Variants in SDK1 observed in about 807,000 individuals in gnomAD.
SDK1 encodes sidekick cell adhesion molecule 1.
SDK1 carries 157 observed loss-of-function variants against 245.5 expected under a neutral mutation model. The ratio of observed to expected loss-of-function variants is 0.64; its 90% CI spans 0.56 to 0.73. The LOEUF is 0.73. SDK1 is among the 30% of genes least tolerant of loss of function. SDK1 has a pLI of 0.00. For missense variants in SDK1, 3,583 were observed against 3,002.3 expected, an observed-to-expected ratio of 1.19 and a Z score of -4.52; for synonymous variants, 1,647 against 1,278.5, an observed-to-expected ratio of 1.29 and a Z score of -6.15.
rs560124026 is a variant in SDK1, at chr7:3,357,328, G to GTTTTTTTT, written c.298+55476_298+55483dup. 2.3e-3 allele frequency among the ~76,000 whole-genome samples: 123 copies of GTTTTTTTT among 52,944 alleles called. 32 individuals carry two copies. Among genetic ancestry groups the GTTTTTTTT allele is most frequent in the East Asian group, 0.012 (16 of 1,296 alleles). The allele number at this position is 52,944 out of a possible 152,430, so 34.7% of individuals were successfully genotyped here. A position where few individuals can be genotyped will look rare whatever the true frequency, so the allele number is the denominator to read the frequency against. Reference sequence around the variant, plus strand: ...TTACTCTTGCTCCCCTTCTTTTAGTGTTTTTTTTTTTTTTTTTTTTTTTTT... The same window carrying GTTTTTTTT: ...TTACTCTTGCTCCCCTTCTTTTAGTGTTTTTTTTTTTTTTTTTTTTTTTTTTTTTTTTT... On this transcript the variant is annotated intron_variant, in intron 1 of 44. Transcript: ENST00000404826.
At chr7:3,403,880 T>TATATATA (rs1342131648) in intron 1 of SDK1, among the ~76,000 whole-genome samples, 1 of 119,804 alleles carries the variant, frequency 8.3e-6, no homozygotes, top group African/African-American at 3.1e-5. Context: ...ATATATATAT[T>TATATATA]TATTTATATT....
In SDK1 at chr7:3,877,536, C is replaced by G. The variant is rs148406454; in HGVS notation, c.847+55953C>G. ...TGAACTGTATCTAGTGGAGGCATGTCTTTATCTTCTAGAGAAAAATCTTTA... is the reference window on the plus strand; with the variant it reads ...TGAACTGTATCTAGTGGAGGCATGTGTTTATCTTCTAGAGAAAAATCTTTA... On this transcript the variant is annotated intron_variant, in intron 5 of 44. Transcript: ENST00000404826. 7.2e-3 allele frequency among the ~76,000 whole-genome samples: 1,092 copies of G among 152,222 alleles called. 4 individuals carry two copies. Among genetic ancestry groups the G allele is most frequent in the Middle Eastern group, 0.017 (5 of 294 alleles).
Position 3,367,695 on chromosome 7 carries a change from C to T in SDK1, c.298+65811C>T, listed in dbSNP as rs80352378. Among the ~76,000 whole-genome samples, 501 of 152,314 alleles carry T rather than the reference C, an allele frequency of 3.3e-3. 3 individuals are homozygous for T. Among genetic ancestry groups the T allele is most frequent in the African/African-American group, 0.011 (472 of 41,554 alleles). ...GACCATTTATAACTTAACTCTTCGA[C>T]CTATTTAACTGTCTGCTTCCTTGCT... is the stretch of plus-strand genomic sequence containing the variant. On this transcript the variant is annotated intron_variant, in intron 1 of 44. Coordinates refer to ENST00000404826, the MANE Select transcript of SDK1 (RefSeq NM_152744.4).
chr7:4,223,012 C>G lies in SDK1; in HGVS notation c.5827+1648C>G, dbSNP rs1785227559. On this transcript the variant is annotated intron_variant, in intron 40 of 44. Coordinates refer to ENST00000404826, the MANE Select transcript of SDK1 (RefSeq NM_152744.4). Reference sequence around the variant, plus strand: ...GAAACCACTTCAGACACTTTCCTCCCCATATCCAGGGAGAGCACCGATTTC... The same window carrying G: ...GAAACCACTTCAGACACTTTCCTCCGCATATCCAGGGAGAGCACCGATTTC... 2.0e-5 allele frequency among the ~76,000 whole-genome samples: 3 copies of G among 152,018 alleles called. No individual in the cohort carries two copies. The South Asian group carries it at 6.2e-4, about 32-fold the overall frequency.
intron 35 of SDK1, among the ~76,000 whole-genome samples, chr7:4,186,390 C>T (rs1782897078): frequency 6.6e-6 from 1 of 152,190 alleles, no homozygotes; most frequent in African/African-American, 2.4e-5. Context: ...CCTTTGTTAT[C>T]CCCAGGGTCG....
intron 28 of SDK1, among the ~76,000 whole-genome samples, chr7:4,134,275 C>T (rs1226000905): frequency 2.0e-5 from 3 of 152,178 alleles, no homozygotes; most frequent in Non-Finnish European, 4.4e-5. Flanking sequence ...ATCAGGTGAC[C>T]TTTGGAATTG....
intron 19 of SDK1, among the ~76,000 whole-genome samples, chr7:4,065,168 A>G (rs1779791937): frequency 6.6e-6 from 1 of 152,238 alleles, no homozygotes; most frequent in Non-Finnish European, 1.5e-5. Flanking sequence ...CGTCACCTGT[A>G]CCATAGAAAT....
intron 2 of SDK1, among the ~76,000 whole-genome samples, chr7:3,630,781 C>G (rs1782266210): frequency 6.6e-6 from 1 of 151,810 alleles, no homozygotes; most frequent in Non-Finnish European, 1.5e-5. Flanking sequence ...GGCAGATACA[C>G]TGTGTTTATA....
chr7:3,531,544 G>C (rs1004709750), intron 1 of SDK1, among the ~76,000 whole-genome samples: 3 of 152,170 alleles, frequency 2.0e-5, no homozygotes, highest in Non-Finnish European at 2.9e-5. Context: ...TTAGAACATA[G>C]TGTGTAAGTA....
intron 14 of SDK1, among the ~76,000 whole-genome samples, chr7:4,010,642 A>G (rs1020554778): frequency 4.6e-5 from 7 of 152,200 alleles, no homozygotes; most frequent in Non-Finnish European, 1.0e-4. Context: ...ATGTGAGCCG[A>G]CGGAGAACTT....
At chr7:4,127,898 T>C (rs1267802450) in intron 26 of SDK1, among the ~76,000 whole-genome samples, 1 of 152,158 alleles carries the variant, frequency 6.6e-6, no homozygotes, top group Non-Finnish European at 1.5e-5. Context: ...CAGGGGGTCT[T>C]TTACACAGCA....
chr7:3,710,062 C>T (rs1279150358), intron 4 of SDK1, among the ~76,000 whole-genome samples: 3 of 152,252 alleles, frequency 2.0e-5, no homozygotes, highest in East Asian at 3.8e-4. Flanking sequence ...TATTAAAACT[C>T]TGTAAACATT....
At chr7:3,692,830 T>C (rs1018161494) in intron 4 of SDK1, among the ~76,000 whole-genome samples, 4 of 152,138 alleles carry the variant, frequency 2.6e-5, no homozygotes, top group African/African-American at 9.6e-5. Context: ...GGTATTTGTG[T>C]CGAGTTTACG....
intron 1 of SDK1, among the ~76,000 whole-genome samples, chr7:3,550,951 TAAAAG>T (rs1396031986): frequency 6.6e-6 from 1 of 152,238 alleles, no homozygotes; most frequent in Non-Finnish European, 1.5e-5. Context: ...TCTTGATTGT[TAAAAG>T]AAATAAAGGT....
At chr7:3,552,980 T>C (rs1779463992) in intron 1 of SDK1, among the ~76,000 whole-genome samples, 1 of 152,200 alleles carries the variant, frequency 6.6e-6, no homozygotes, top group Non-Finnish European at 1.5e-5. Context: ...TTACATTTTT[T>C]ATCATAAAAC....
At chr7:4,151,815 C>T (rs896642532) in intron 30 of SDK1, among the ~76,000 whole-genome samples, 7 of 152,302 alleles carry the variant, frequency 4.6e-5, no homozygotes, top group South Asian at 2.1e-4. Context: ...TCTTAAGTAA[C>T]GCATATGCAG....
chr7:3,624,361 G>A (rs548540418), intron 2 of SDK1, among the ~76,000 whole-genome samples: 41 of 152,190 alleles, frequency 2.7e-4, no homozygotes, highest in Non-Finnish European at 5.0e-4. Flanking sequence ...AGCACACCTG[G>A]CTAAGTTTTC....
intron 1 of SDK1, among the ~76,000 whole-genome samples, chr7:3,376,642 C>T (rs1245638161): frequency 1.3e-5 from 2 of 152,290 alleles, no homozygotes; most frequent in East Asian, 1.9e-4. Context: ...GAAGATTATA[C>T]GGTGTGGGTG....
intron 17 of SDK1, among the ~76,000 whole-genome samples, chr7:4,039,916 A>G (rs188573752): frequency 2.0e-5 from 3 of 152,226 alleles, no homozygotes; most frequent in African/African-American, 7.2e-5. Flanking sequence ...AAACATAATC[A>G]TACGTTTTAC....
Sources: gnomAD v4.1 joint callset for allele counts (sites outside exome capture counted in the v4.1 genomes callset) on GRCh38, gnomAD v4.1.1 for gene constraint, MANE v1.5 for transcripts, NCBI Gene and HGNC (gene_info 2026-07-23, HGNC 2026-07-21) for gene names.